Variants in GPHN observed in about 807,000 individuals in gnomAD.
The protein encoded by GPHN is gephyrin.
A neutral mutation model predicts 95.5 loss-of-function variants in GPHN; 17 were observed. The ratio of observed to expected loss-of-function variants is 0.18; its 90% confidence interval spans 0.12 to 0.27. The LOEUF (loss-of-function observed/expected upper bound fraction) is 0.27. Ranked by LOEUF, GPHN falls within the 10% of genes least tolerant of loss-of-function variation. The probability of loss-of-function intolerance (pLI) is 1.00; values close to 1 mark genes in which losing one functional copy is unlikely to be tolerated. For synonymous variants in GPHN, 320 were observed against 322.5 expected (o/e 0.99, Z 0.08); for missense variants, 660 against 978.1 (o/e 0.67, Z 4.34).
the GPHN span, among the ~76,000 whole-genome samples, chr14:67,349,902 C>G: frequency 6.6e-6 from 1 of 152,152 alleles, no homozygotes; most frequent in African/African-American, 2.4e-5. Context: ...GTGAAAGCTC[C>G]TAGATAATAG....
chr14:67,035,491 T>G (rs2074376569), intron 10 of GPHN, among the ~76,000 whole-genome samples: 1 of 151,678 alleles, frequency 6.6e-6, no homozygotes, highest in Non-Finnish European at 1.5e-5. Flanking sequence ...TGACAAACTC[T>G]TAGCTAGACA....
At chr14:66,748,997 A>G (rs1299376103) in intron 2 of GPHN, among the ~76,000 whole-genome samples, 3 of 151,912 alleles carry the variant, frequency 2.0e-5, no homozygotes, top group African/African-American at 7.2e-5. Context: ...AATCCTCTGT[A>G]TTCTACCTAT....
At chr14:66,872,619 G>T (rs1439550350) in intron 4 of GPHN, among the ~76,000 whole-genome samples, 1 of 152,044 alleles carries the variant, frequency 6.6e-6, no homozygotes, top group Admixed American at 6.6e-5. Flanking sequence ...TATCCTCCAG[G>T]CATGGTGGCT....
chr14:66,828,353 C>T (rs762893660), intron 4 of GPHN, among the ~76,000 whole-genome samples: 6 of 151,882 alleles, frequency 4.0e-5, no homozygotes, highest in Non-Finnish European at 8.8e-5. Flanking sequence ...ATTGATGTGT[C>T]AGAAAGGAAT....
At chr14:66,590,530 A>G in intron 1 of GPHN, among the ~76,000 whole-genome samples, 1 of 152,216 alleles carries the variant, frequency 6.6e-6, no homozygotes. Context: ...AAACATCTCT[A>G]CTCAAATAAA....
At chr14:66,584,267 T>C (rs1206696139) in intron 1 of GPHN, among the ~76,000 whole-genome samples, 1 of 152,208 alleles carries the variant, frequency 6.6e-6, no homozygotes, top group East Asian at 1.9e-4. Context: ...AAGTTGCTTA[T>C]CAGCTTAAGG....
chr14:66,597,869 G>A (rs1014129815), intron 1 of GPHN, among the ~76,000 whole-genome samples: 1 of 152,140 alleles, frequency 6.6e-6, no homozygotes, highest in African/African-American at 2.4e-5. Flanking sequence ...GCCAAGATGT[G>A]GAATCAATCT....
At chr14:67,468,981 T>C in the GPHN span, among the ~76,000 whole-genome samples, 2 of 152,168 alleles carry the variant, frequency 1.3e-5, no homozygotes, top group African/African-American at 4.8e-5. Context: ...TCTTGCCTCT[T>C]CTCTGAAGCT....
the GPHN span, among the ~76,000 whole-genome samples, chr14:67,638,597 C>A: frequency 6.6e-6 from 1 of 152,126 alleles, no homozygotes; most frequent in Non-Finnish European, 1.5e-5. Context: ...CCTTACCTGG[C>A]ACTGAAACTG....
At position 66,842,286 on chromosome 14, in the gene GPHN, A is replaced by G. The variant is rs538070135; in HGVS notation, c.294+17720A>G. On this transcript the variant is annotated intron_variant, in intron 4 of 22. Transcript: ENST00000478722. ...CTTTCTCATCCACTTTCAAAGAGGT[A>G]GGTAGTTTCTAGTAATCTGTCCCCT... is the stretch of plus-strand genomic sequence containing the variant. Among the ~76,000 whole-genome samples, 5 of 152,290 alleles carry G rather than the reference A, an allele frequency of 3.3e-5. No homozygotes were observed. In the East Asian group the frequency reaches 7.7e-4, roughly 24 times the overall value.
chr14:66,963,501 T>C (rs1289932207), intron 8 of GPHN, among the ~76,000 whole-genome samples: 1 of 152,120 alleles, frequency 6.6e-6, no homozygotes, highest in Non-Finnish European at 1.5e-5. Context: ...AATGTTGTGA[T>C]ACTTTCTGTA....
At position 67,144,236 on chromosome 14, in the gene GPHN, TAAAAAAAA is replaced by T. The variant is rs1216565518; in HGVS notation, c.1836+795_1836+802del. Among the ~76,000 whole-genome samples, 104 of 54,034 alleles carry T rather than the reference TAAAAAAAA, an allele frequency of 1.9e-3. 11 individuals carry two copies. Among genetic ancestry groups the T allele is most frequent in the Middle Eastern group, 0.011 (1 of 88 alleles). The allele number at this position is 54,034 out of a possible 152,430, so 35.4% of individuals were successfully genotyped here. A position where few individuals can be genotyped will look rare whatever the true frequency, so the allele number is the denominator to read the frequency against. On this transcript the variant is annotated intron_variant, in intron 18 of 22. Coordinates refer to ENST00000478722, the MANE Select transcript of GPHN (RefSeq NM_020806.5). The stretch of plus-strand genomic sequence containing the variant: ...TGGGCAACACAGCAAGACCCTGTCT[TAAAAAAAA>T]AAAAAAATATATATATATATATATA...
chr14:66,862,214 T>C (rs1270700600), intron 4 of GPHN, among the ~76,000 whole-genome samples: 1 of 152,048 alleles, frequency 6.6e-6, no homozygotes, highest in Non-Finnish European at 1.5e-5. Context: ...TGAGCAACTA[T>C]ATACCAAAAA....
chr14:66,787,756 A>G (rs768575141), intron 3 of GPHN, among the ~76,000 whole-genome samples: 208 of 151,902 alleles, frequency 1.4e-3, no homozygotes, highest in Non-Finnish European at 1.2e-3. Flanking sequence ...TGCTGGAGCA[A>G]TTGGAAATCA....
At chr14:67,083,363 G>A (rs1177460021) in intron 11 of GPHN, among the ~76,000 whole-genome samples, 2 of 151,960 alleles carry the variant, frequency 1.3e-5, no homozygotes, top group African/African-American at 2.4e-5. Flanking sequence ...GTTTAAAAGT[G>A]TGTGGCACCT....
At chr14:67,660,053 A>C in the GPHN span, 2 of 928,650 alleles carry the variant, frequency 2.2e-6, no homozygotes, top group Non-Finnish European at 3.2e-6. Context: ...ATGCTCCATG[A>C]GGCAGGGACC....
intron 10 of GPHN, among the ~76,000 whole-genome samples, chr14:67,042,609 T>G (rs1257895660): frequency 6.6e-6 from 1 of 152,120 alleles, no homozygotes; most frequent in Non-Finnish European, 1.5e-5. Flanking sequence ...GGTACCAGTA[T>G]CATGCTGTTT....
chr14:66,859,075 G>T (rs1309397616), intron 4 of GPHN, among the ~76,000 whole-genome samples: 2 of 152,138 alleles, frequency 1.3e-5, no homozygotes, highest in Non-Finnish European at 2.9e-5. Context: ...CCTGGGCTGG[G>T]ATAACTCAAC....
chr14:67,582,054 T>C, the GPHN span: 1 of 1,603,544 alleles, frequency 6.2e-7, no homozygotes, highest in Non-Finnish European at 8.5e-7. The surrounding 1 kb of genome is among the most constrained non-coding windows in gnomAD (Gnocchi z 5.0). Flanking sequence ...TGGTTTCTTA[T>C]TCTCTTCTTT....
Sources: gnomAD v4.1 joint callset for allele counts (sites outside exome capture counted in the v4.1 genomes callset) on GRCh38, gnomAD v4.1.1 for gene constraint, Gnocchi (gnomAD v3.1) non-coding constraint, MANE v1.5 for transcripts, NCBI Gene and HGNC (gene_info 2026-07-23, HGNC 2026-07-21) for gene names.